Variants in MEF2A observed in about 807,000 individuals in gnomAD.
MEF2A encodes the protein myocyte-specific enhancer factor 2A.
In MEF2A, 28 loss-of-function variants were observed where a neutral mutation model predicts 55.8. The ratio of observed to expected loss-of-function variants is 0.50; its 90% CI spans 0.37 to 0.69. MEF2A has a LOEUF of 0.69. Among genes scored for constraint, MEF2A ranks in the 30% least tolerant of loss-of-function variants. MEF2A has a pLI of 0.00. For missense variants in MEF2A, 528 were observed against 626.2 expected, an observed-to-expected ratio of 0.84 and a Z score of 1.67; for synonymous variants, 239 against 227.1, an observed-to-expected ratio of 1.05 and a Z score of -0.47.
At chr15:99,644,950 T>C (rs1182937924) in intron 3 of MEF2A, among the ~76,000 whole-genome samples, 1 of 152,076 alleles carries the variant, frequency 6.6e-6, no homozygotes, top group Non-Finnish European at 1.5e-5. Context: ...AAAAGACATC[T>C]CTTTTAGGGC....
intron 4 of MEF2A, among the ~76,000 whole-genome samples, chr15:99,664,944 A>G (rs1340832534): frequency 2.0e-5 from 3 of 152,250 alleles, no homozygotes; most frequent in African/African-American, 7.2e-5. Context: ...CAGTAAGATC[A>G]TAAACAGAGG....
chr15:99,602,653 G>GGTGTGTGTGT (rs773502316), intron 2 of MEF2A, among the ~76,000 whole-genome samples: 1,692 of 44,728 alleles, frequency 0.038, 296 homozygotes, highest in East Asian at 0.087. Flanking sequence ...ACATTCCTGG[G>GGTGTGTGTGT]GTGTGTGTGT....
chr15:99,683,346 A>G (rs978925049), intron 7 of MEF2A, among the ~76,000 whole-genome samples: 2 of 152,178 alleles, frequency 1.3e-5, no homozygotes, highest in Non-Finnish European at 2.9e-5. Context: ...GTTTTGGAGG[A>G]AACAAGAGGA....
At chr15:99,674,361 A>G (rs765341287) in intron 5 of MEF2A, 32 bp from the exon 6 acceptor site, 2 of 1,564,398 alleles carry the variant, frequency 1.3e-6, no homozygotes, top group Admixed American at 1.8e-5. Context: ...TACGAAACCA[A>G]CAGTTTTTTC....
intron 1 of MEF2A, among the ~76,000 whole-genome samples, chr15:99,587,231 C>T (rs775088397): frequency 4.3e-4 from 65 of 151,990 alleles, no homozygotes; most frequent in African/African-American, 1.5e-3. Context: ...TGACAGGCCC[C>T]GGTGTGTGAT....
rs755946369 is a variant in MEF2A, at chr15:99,712,667, C to T, written c.1414C>T (p.Arg472Trp). Residue 472 changes from arginine (R) to tryptophan (W), a missense_variant, in exon 12 of 12, where the codon CGG becomes TGG. This residue lies in a region of MEF2A where 450 missense variants were observed against 475.3 expected (regional missense o/e 0.95). Transcript: ENST00000557942. The surrounding 1 kb of genome is among the most constrained non-coding windows in gnomAD (Gnocchi z 4.1). ...SYDGSDREDPRGDFHSPIVLG... is the reference protein window; with the variant it reads ...SYDGSDREDPWGDFHSPIVLG... ...TGATGGCAGTGATCGGGAGGATCCA[C>T]GGGGCGACTTCCATTCTCCAATTGT... 2.6e-6 allele frequency: 4 copies of T among 1,557,182 alleles called. No homozygotes were observed. Among genetic ancestry groups the T allele is most frequent in the South Asian group, 1.2e-5 (1 of 84,278 alleles).
chr15:99,683,118 T>G (rs2053545773), intron 7 of MEF2A, among the ~76,000 whole-genome samples: 1 of 152,216 alleles, frequency 6.6e-6, no homozygotes, highest in African/African-American at 2.4e-5. Context: ...CAGGATGGCC[T>G]GGTGAAGTGG....
At chr15:99,623,279 G>A (rs2041535459) in intron 2 of MEF2A, among the ~76,000 whole-genome samples, 1 of 152,128 alleles carries the variant, frequency 6.6e-6, no homozygotes, top group Non-Finnish European at 1.5e-5. Context: ...TTGTATGTAT[G>A]TACCACCTTT....
intron 4 of MEF2A, among the ~76,000 whole-genome samples, chr15:99,658,267 A>T (rs1044045168): frequency 6.6e-6 from 1 of 152,202 alleles, no homozygotes; most frequent in Non-Finnish European, 1.5e-5. Flanking sequence ...ATACTTCAAG[A>T]TGTGAAAAAA....
intron 1 of MEF2A, among the ~76,000 whole-genome samples, chr15:99,589,171 G>T (rs1968424597): frequency 6.6e-6 from 1 of 152,186 alleles, no homozygotes; most frequent in African/African-American, 2.4e-5. Flanking sequence ...GAATTCACTA[G>T]TGAAACCATC....
At chr15:99,599,876 C>G (rs1223483163) in intron 2 of MEF2A, among the ~76,000 whole-genome samples, 2 of 151,930 alleles carry the variant, frequency 1.3e-5, no homozygotes, top group Non-Finnish European at 2.9e-5. Flanking sequence ...AAATAATACA[C>G]CAATAAAAAA....
intron 3 of MEF2A, among the ~76,000 whole-genome samples, chr15:99,636,343 C>G (rs2043835248): frequency 2.0e-5 from 3 of 151,932 alleles, no homozygotes; most frequent in African/African-American, 7.3e-5. Context: ...TTTTCACTTT[C>G]TTTTTTAAAA....
intron 4 of MEF2A, among the ~76,000 whole-genome samples, chr15:99,666,786 T>C (rs2049854505): frequency 6.6e-6 from 1 of 152,134 alleles, no homozygotes; most frequent in African/African-American, 2.4e-5. Context: ...GAAATATTTT[T>C]AGGCAGTATG....
intron 4 of MEF2A, among the ~76,000 whole-genome samples, chr15:99,668,506 G>A (rs1303612413): frequency 6.6e-6 from 1 of 152,178 alleles, no homozygotes; most frequent in Non-Finnish European, 1.5e-5. Flanking sequence ...TATTTACAAG[G>A]AGTAAAATAT....
intron 2 of MEF2A, among the ~76,000 whole-genome samples, chr15:99,621,643 T>TATG (rs2041191859): frequency 6.6e-6 from 1 of 152,210 alleles, no homozygotes; most frequent in Admixed American, 6.5e-5. Flanking sequence ...AGCCCTGATG[T>TATG]ATGAGTCTTA....
intron 3 of MEF2A, among the ~76,000 whole-genome samples, chr15:99,640,276 A>G (rs1043224418): frequency 6.6e-6 from 1 of 152,092 alleles, no homozygotes; most frequent in African/African-American, 2.4e-5. Context: ...TGGATTTGTC[A>G]ATTTCTCTGT....
At chr15:99,602,606 T>C (rs1973473318) in intron 2 of MEF2A, among the ~76,000 whole-genome samples, 1 of 151,204 alleles carries the variant, frequency 6.6e-6, no homozygotes, top group South Asian at 2.1e-4. Context: ...AGAGAGACAG[T>C]TTAACAACTG....
At position 99,712,903 on chromosome 15, in the gene MEF2A, GTATGTGGGTGTGAGTGTGTA is replaced by G. The variant is rs1399273888; in HGVS notation, c.*134_*153del. On this transcript the variant is annotated 3_prime_UTR_variant, in exon 12 of 12. Coordinates refer to ENST00000557942, the MANE Select transcript of MEF2A (RefSeq NM_001319206.4). This position sits in a 1 kb window ranked among gnomAD's most constrained non-coding sequence, Gnocchi z 4.1. ...TATATATATCCCTTTACATATATAT[GTATGTGGGTGTGAGTGTGTA>G]TGTGTGGGTGTGTGTTACATACACA... The G allele has an allele frequency of 2.5e-5, 26 of 1,032,382 alleles. 1 individual carries two copies. The East Asian group carries it at 6.5e-4, about 26-fold the overall frequency. The allele number at this position is 1,032,382 out of a possible 1,614,324, so 64.0% of individuals were successfully genotyped here. A position where few individuals can be genotyped will look rare whatever the true frequency, so the allele number is the denominator to read the frequency against.
intron 8 of MEF2A, among the ~76,000 whole-genome samples, chr15:99,702,157 A>G (rs947636756): frequency 6.6e-6 from 1 of 152,246 alleles, no homozygotes; most frequent in African/African-American, 2.4e-5. Flanking sequence ...AAACAGTTGA[A>G]TAGCATCTTG....
Sources: gnomAD v4.1 joint callset for allele counts (sites outside exome capture counted in the v4.1 genomes callset) on GRCh38, gnomAD v4.1.1 for gene constraint, gnomAD v4.1.1 regional missense constraint, Gnocchi (gnomAD v3.1) non-coding constraint, MANE v1.5 for transcripts, NCBI Gene and HGNC (gene_info 2026-07-23, HGNC 2026-07-21) for gene names.